The following SGCZ variants were observed in gnomAD, a reference collection of about 807,000 sequenced individuals.
The protein encoded by SGCZ is sarcoglycan zeta.
Under a neutral mutation model 41.3 loss-of-function variants are expected in SGCZ, and 40 were observed. The observed-to-expected ratio is 0.97, with a 90% confidence interval of 0.75 to 1.26. The LOEUF (loss-of-function observed/expected upper bound fraction) is 1.26. Among genes scored for constraint, SGCZ ranks in the 50% most tolerant of loss-of-function variants. SGCZ has a pLI of 0.00. For missense variants in SGCZ, 552 were observed against 369.8 expected (o/e 1.49, Z -4.04); for synonymous variants, 206 against 137.5 (o/e 1.50, Z -3.49).
intron 1 of SGCZ, among the ~76,000 whole-genome samples, chr8:14,714,363 G>A (rs2130150747): frequency 6.6e-6 from 1 of 152,212 alleles, no homozygotes; most frequent in Middle Eastern, 3.4e-3. Context: ...TACAACTCAA[G>A]CACAATATTG....
intron 4 of SGCZ, among the ~76,000 whole-genome samples, chr8:14,177,036 T>C (rs1348203357): frequency 6.6e-6 from 1 of 152,138 alleles, no homozygotes; most frequent in East Asian, 1.9e-4. Context: ...GTGTAACGGT[T>C]GGTATACAGA....
chr8:14,224,795 C>T lies in SGCZ; in HGVS notation c.424+12797G>A, dbSNP rs544730864. Among the ~76,000 whole-genome samples, 74 of 152,250 alleles carry T rather than the reference C, an allele frequency of 4.9e-4. 2 individuals are homozygous for T. In the South Asian group the frequency reaches 0.015, roughly 31 times the overall value. The stretch of plus-strand genomic sequence containing the variant: ...CATCATTAAATTACTTGTAACACCA[C>T]CTAATATTCTTTCTTGGAAACACTT... On this transcript the variant is annotated intron_variant, in intron 4 of 7. Coordinates refer to ENST00000382080, the MANE Select transcript of SGCZ (RefSeq NM_139167.4).
chr8:14,446,381 C>T (rs1373074142), intron 2 of SGCZ, among the ~76,000 whole-genome samples: 2 of 152,144 alleles, frequency 1.3e-5, no homozygotes, highest in African/African-American at 2.4e-5. Context: ...TAATAAACTC[C>T]CAATCTTCTC....
At chr8:14,708,912 C>T (rs1165938444) in intron 1 of SGCZ, among the ~76,000 whole-genome samples, 1 of 151,548 alleles carries the variant, frequency 6.6e-6, no homozygotes, top group African/African-American at 2.4e-5. Context: ...GACCTTAAAA[C>T]TGCTTACATG....
intron 2 of SGCZ, among the ~76,000 whole-genome samples, chr8:14,378,867 G>C (rs1342199100): frequency 6.6e-6 from 1 of 152,080 alleles, no homozygotes; most frequent in African/African-American, 2.4e-5. Flanking sequence ...GGAAAAACAA[G>C]TCATACATAT....
At position 14,841,653 on chromosome 8, in the gene SGCZ, G is replaced by C. The variant is rs367985692; in HGVS notation, c.40-286727C>G. On this transcript the variant is annotated intron_variant, in intron 1 of 7. Transcript: ENST00000382080. ...GTTATTATGTCGATGGCCAAGAGTT[G>C]TGTTATGAGTGCTATTGGAAGGGAC... Among the ~76,000 whole-genome samples, 14 of 152,292 alleles carry C rather than the reference G, an allele frequency of 9.2e-5. No individual in the cohort carries two copies. The East Asian group carries it at 2.5e-3, about 27-fold the overall frequency.
chr8:14,355,366 G>C (rs118097090), intron 2 of SGCZ, among the ~76,000 whole-genome samples: 275 of 152,126 alleles, frequency 1.8e-3, no homozygotes, highest in Non-Finnish European at 2.8e-3. Flanking sequence ...AACAGTAGTA[G>C]CTAGATTGAT....
At chr8:15,165,020 A>G (rs1357897028) in intron 1 of SGCZ, among the ~76,000 whole-genome samples, 1 of 152,100 alleles carries the variant, frequency 6.6e-6, no homozygotes, top group Non-Finnish European at 1.5e-5. Context: ...GGCCAGGCGC[A>G]GTGGCTCATG....
chr8:14,802,572 G>T (rs1235259780), intron 1 of SGCZ, among the ~76,000 whole-genome samples: 3 of 152,082 alleles, frequency 2.0e-5, no homozygotes, highest in Admixed American at 2.0e-4. Context: ...TTATGAATAA[G>T]ATGGTCTGCA....
chr8:14,797,746 G>C (rs530045605), intron 1 of SGCZ, among the ~76,000 whole-genome samples: 59 of 152,246 alleles, frequency 3.9e-4, no homozygotes, highest in African/African-American at 1.4e-3. Flanking sequence ...GGAAATAATG[G>C]TTTCCTGGGG....
chr8:14,663,468 G>A (rs1807817724), intron 1 of SGCZ, among the ~76,000 whole-genome samples: 1 of 151,978 alleles, frequency 6.6e-6, no homozygotes, highest in Non-Finnish European at 1.5e-5. Flanking sequence ...TATAATTTAA[G>A]CTCCACAATT....
chr8:14,751,271 C>T (rs965950038), intron 1 of SGCZ, among the ~76,000 whole-genome samples: 2 of 152,152 alleles, frequency 1.3e-5, no homozygotes, highest in African/African-American at 2.4e-5. Flanking sequence ...ATGTTCTCTA[C>T]AAGAAAAGTT....
chr8:14,246,909 CAAAAAA>C (rs5889525), intron 3 of SGCZ, among the ~76,000 whole-genome samples: 2 of 84,352 alleles, frequency 2.4e-5, no homozygotes. Flanking sequence ...GACTCCATCT[CAAAAAA>C]AAAAAAAAAA....
At position 14,535,107 on chromosome 8, in the gene SGCZ, C is replaced by T. The variant is rs371426698; in HGVS notation, c.234+19625G>A. Among the ~76,000 whole-genome samples, 192 of 152,044 alleles carry T rather than the reference C, an allele frequency of 1.3e-3. 5 individuals carry two copies. The South Asian group carries it at 0.04, about 32-fold the overall frequency. ...TGTTTATGCACTAACTGTACACAAACATTTGATTCAACTAAAGCAGTGTGA... is the reference window on the plus strand; with the variant it reads ...TGTTTATGCACTAACTGTACACAAATATTTGATTCAACTAAAGCAGTGTGA... On this transcript the variant is annotated intron_variant, in intron 2 of 7. Transcript: ENST00000382080.
chr8:14,428,033 T>A (rs775778644), intron 2 of SGCZ, among the ~76,000 whole-genome samples: 12 of 152,048 alleles, frequency 7.9e-5, no homozygotes, highest in African/African-American at 1.2e-4. Context: ...GATTTGAGCA[T>A]CTGCAGATTT....
chr8:15,037,041 A>G (rs1229257596), intron 1 of SGCZ, among the ~76,000 whole-genome samples: 1 of 152,204 alleles, frequency 6.6e-6, no homozygotes, highest in Non-Finnish European at 1.5e-5. Context: ...AAAACTGGAC[A>G]TCATTTTATG....
intron 2 of SGCZ, among the ~76,000 whole-genome samples, chr8:14,368,351 A>C (rs2117153319): frequency 6.6e-6 from 1 of 152,200 alleles, no homozygotes; most frequent in Non-Finnish European, 1.5e-5. Flanking sequence ...ATTAGCGGTA[A>C]GAGAAAAAAA....
chr8:15,038,360 A>G (rs1387652380), intron 1 of SGCZ, among the ~76,000 whole-genome samples: 1 of 152,144 alleles, frequency 6.6e-6, no homozygotes, highest in Non-Finnish European at 1.5e-5. Flanking sequence ...TGAGGAAAGG[A>G]TGATCTCTTC....
At chr8:14,158,677 A>G (rs963165779) in intron 5 of SGCZ, among the ~76,000 whole-genome samples, 1 of 152,244 alleles carries the variant, frequency 6.6e-6, no homozygotes, top group Non-Finnish European at 1.5e-5. Flanking sequence ...AGCAGCCAGC[A>G]GTGCAAATAC....
Sources: gnomAD v4.1 joint callset for allele counts (sites outside exome capture counted in the v4.1 genomes callset) on GRCh38, gnomAD v4.1.1 for gene constraint, MANE v1.5 for transcripts, NCBI Gene and HGNC (gene_info 2026-07-23, HGNC 2026-07-21) for gene names.